SORL1: variants seen among roughly 807,000 people sequenced by gnomAD.
SORL1 encodes sortilin-related receptor.
SORL1 carries 127 observed loss-of-function variants against 273.7 expected under a neutral mutation model. The ratio of observed to expected loss-of-function variants is 0.46; its 90% CI spans 0.40 to 0.54. The LOEUF is 0.54. Ranked by LOEUF, SORL1 falls within the 20% of genes least tolerant of loss-of-function variation. SORL1 has a pLI of 0.00. For synonymous variants in SORL1, 1,031 were observed against 1,067.4 expected (o/e 0.97, Z 0.66); for missense variants, 2,494 against 2,846.1 (o/e 0.88, Z 2.81).
rs1313881863 is a variant in SORL1 at position 121,555,274 on chromosome 11, A to G, written c.2527A>G (p.Ser843Gly). 3 of 1,614,030 alleles carry G rather than the reference A, an allele frequency of 1.9e-6. No individual in the cohort carries two copies. The Admixed American group carries it at 5.0e-5, about 27-fold the overall frequency. The change falls in exon 18 of 48, where the codon AGC becomes GGC. Residue 843 changes from serine (S) to glycine (G), a missense_variant. Ser to Gly is a moderately conservative substitution (Grantham distance 56). Around this residue, in one of 3 missense-constraint regions of SORL1, gnomAD observed 1,609 missense variants for 1,816.4 expected, o/e 0.89. Coordinates refer to ENST00000260197, the MANE Select transcript of SORL1 (RefSeq NM_003105.6). ...TVEALAFEPL[S>G]QLLYWVDAGF... Reference sequence around the variant, plus strand: ...AGAAGCTTTGGCTTTTGAACCCCTCAGCCAGCTGCTTTACTGGGTAGATGC... The same window carrying G: ...AGAAGCTTTGGCTTTTGAACCCCTCGGCCAGCTGCTTTACTGGGTAGATGC...
rs1326498956 is a variant in SORL1, at chr11:121,625,272, G to A, written c.6359G>A (p.Gly2120Glu). The A allele has an allele frequency of 2.3e-5, 37 of 1,608,278 alleles. No homozygotes were observed. The highest frequency in any genetic ancestry group is 3.1e-5 in the Non-Finnish European group (37 of 1,177,266). The change falls in exon 46 of 48, where the codon GGG (glycine) becomes GAG (glutamate). Residue 2120 changes from glycine to glutamate, a missense_variant. This residue lies in a region of SORL1 where 1,609 missense variants were observed against 1,816.4 expected (regional missense o/e 0.89). Coordinates refer to ENST00000260197, the MANE Select transcript of SORL1 (RefSeq NM_003105.6). The part of the protein sequence containing the change: ...EPAILLYDEL[G>E]SGADASATQA... ...GCCATCCTGCTGTACGATGAGCTGG[G>A]GTCTGGTGAGTTGCGATTGCTGCCC... is the stretch of plus-strand genomic sequence containing the variant.
chr11:121,533,460 C>T (rs900605775), intron 12 of SORL1, among the ~76,000 whole-genome samples: 1 of 152,192 alleles, frequency 6.6e-6, no homozygotes, highest in African/African-American at 2.4e-5. Context: ...GTAACCTCTA[C>T]ACCCTTATGT....
chr11:121,509,555 C>T (rs1463386249), intron 6 of SORL1, among the ~76,000 whole-genome samples: 1 of 152,190 alleles, frequency 6.6e-6, no homozygotes, highest in East Asian at 1.9e-4. Flanking sequence ...CGGCTCACCG[C>T]AACCTCCGCC....
intron 31 of SORL1, among the ~76,000 whole-genome samples, chr11:121,592,459 A>G (rs567739658): frequency 6.6e-6 from 1 of 152,214 alleles, no homozygotes; most frequent in Non-Finnish European, 1.5e-5. Context: ...CAAGTAGGGT[A>G]TTATTCTCCT....
At chr11:121,535,706 T>C (rs938939574) in intron 12 of SORL1, among the ~76,000 whole-genome samples, 1 of 151,858 alleles carries the variant, frequency 6.6e-6, no homozygotes, top group African/African-American at 2.4e-5. Flanking sequence ...TTTTAAGTTA[T>C]GCATGTCTTT....
chr11:121,547,398 A>G (rs1374329582), intron 14 of SORL1, among the ~76,000 whole-genome samples: 1 of 111,148 alleles, frequency 9.0e-6, no homozygotes. Context: ...CTCTTGCCCT[A>G]CATTTCCCCA....
At chr11:121,464,671 T>C (rs1861055746) in intron 1 of SORL1, among the ~76,000 whole-genome samples, 2 of 152,192 alleles carry the variant, frequency 1.3e-5, no homozygotes, top group South Asian at 2.1e-4. Context: ...ACTTGTTCGA[T>C]GAAGATGCCG....
intron 40 of SORL1, among the ~76,000 whole-genome samples, chr11:121,614,053 G>C (rs1010264691): frequency 6.6e-6 from 1 of 152,190 alleles, no homozygotes; most frequent in Non-Finnish European, 1.5e-5. Context: ...ATAGAGTCAG[G>C]CCTTAAACCC....
intron 14 of SORL1, chr11:121,546,992 G>C (rs1012863304): frequency 1.3e-5 from 2 of 152,218 alleles, no homozygotes; most frequent in African/African-American, 4.8e-5. Context: ...TTAGAACAGA[G>C]AAGACAGTCA....
intron 2 of SORL1, among the ~76,000 whole-genome samples, chr11:121,474,898 T>A (rs1463165654): frequency 6.6e-6 from 1 of 152,246 alleles, no homozygotes; most frequent in African/African-American, 2.4e-5. Context: ...GATAGATAAC[T>A]GTGCACCAGC....
In SORL1 at chr11:121,630,866, A is replaced by G. The variant is rs536121407; in HGVS notation, c.*1303A>G. 1.3e-5 allele frequency: 2 copies of G among 152,342 alleles called. No individual in the cohort carries two copies. Among genetic ancestry groups the G allele is most frequent in the South Asian group, 2.1e-4 (1 of 4,828 alleles). The allele number at this position is 152,342 out of a possible 1,614,324, so 9.4% of individuals were successfully genotyped here. ...TTCAAACCATGGCCACTTGATACTTATGTAGAATCCATCGTGGGCTGATGC... is the reference window on the plus strand; with the variant it reads ...TTCAAACCATGGCCACTTGATACTTGTGTAGAATCCATCGTGGGCTGATGC... On this transcript the variant is annotated 3_prime_UTR_variant, in exon 48 of 48. Coordinates refer to ENST00000260197, the MANE Select transcript of SORL1 (RefSeq NM_003105.6).
At chr11:121,617,881 G>C (rs879366903) in intron 41 of SORL1, among the ~76,000 whole-genome samples, 17 of 152,182 alleles carry the variant, frequency 1.1e-4, no homozygotes, top group Non-Finnish European at 2.4e-4. Flanking sequence ...GCTTCGAACA[G>C]TTTATTTCCT....
intron 21 of SORL1, among the ~76,000 whole-genome samples, chr11:121,562,393 C>T (rs963977311): frequency 1.3e-5 from 2 of 152,200 alleles, no homozygotes; most frequent in Admixed American, 6.5e-5. Context: ...CAGCTACCTG[C>T]GGTCAACCAC....
intron 1 of SORL1, among the ~76,000 whole-genome samples, chr11:121,457,301 G>A (rs1591541730): frequency 2.6e-5 from 4 of 152,282 alleles, no homozygotes; most frequent in Admixed American, 2.0e-4. Flanking sequence ...GGTAATGCAC[G>A]TTTACAAAAC....
At chr11:121,515,639 T>A (rs2134848492) in intron 8 of SORL1, among the ~76,000 whole-genome samples, 1 of 152,254 alleles carries the variant, frequency 6.6e-6, no homozygotes, top group East Asian at 1.9e-4. Flanking sequence ...TTTTTTTCTT[T>A]TTTGTTGTTT....
At position 121,570,241 on chromosome 11, in the gene SORL1, G is replaced by C; in HGVS notation, c.3308G>C (p.Cys1103Ser). 6.2e-7 allele frequency: 1 copy of C among 1,613,784 alleles called. No homozygotes were observed. Among genetic ancestry groups the C allele is most frequent in the Non-Finnish European group, 8.5e-7 (1 of 1,179,682 alleles). Residue 1103 changes from cysteine to serine, a missense_variant, in exon 23 of 48, where the codon TGT becomes TCT. This residue lies in a region of SORL1 where 1,609 missense variants were observed against 1,816.4 expected (regional missense o/e 0.89). Coordinates refer to ENST00000260197, the MANE Select transcript of SORL1 (RefSeq NM_003105.6). The stretch of plus-strand genomic sequence containing the variant: ...TGGTGGTGTGACTTTGACAACGACT[G>C]TGGAGACATGAGCGATGAGAGAAAC... ...SIWWCDFDND[C>S]GDMSDERNCP...
At chr11:121,515,524 G>C (rs1861937493) in intron 8 of SORL1, among the ~76,000 whole-genome samples, 1 of 152,206 alleles carries the variant, frequency 6.6e-6, no homozygotes, top group Non-Finnish European at 1.5e-5. Flanking sequence ...GAGGAGGCCA[G>C]GGTGGCTGGA....
chr11:121,589,274 T>C lies in SORL1; in HGVS notation c.3962T>C (p.Phe1321Ser). 1 of 1,613,358 alleles carries C rather than the reference T, an allele frequency of 6.2e-7. No homozygotes were observed. Among genetic ancestry groups the C allele is most frequent in the Non-Finnish European group, 8.5e-7 (1 of 1,179,326 alleles). Reference sequence around the variant, plus strand: ...CCCTCTGTAGCCCAAGATCCTGAGTTCCACAAGGTATGTGATGAGTTCGGT... The same window carrying C: ...CCCTCTGTAGCCCAAGATCCTGAGTCCCACAAGGTATGTGATGAGTTCGGT... ...AFAGCSQDPE[F>S]HKVCDEFGFQ... Residue 1321 changes from phenylalanine to serine, a missense_variant, in exon 29 of 48, where the codon TTC becomes TCC. By Grantham distance (155) the Phe-to-Ser change is radical (BLOSUM62 -2). Coordinates refer to ENST00000260197, the MANE Select transcript of SORL1 (RefSeq NM_003105.6).
At position 121,595,889 on chromosome 11, in the gene SORL1, G is replaced by T; in HGVS notation, c.4519+117G>T. On this transcript the variant is annotated intron_variant, in intron 32 of 47. Coordinates refer to ENST00000260197, the MANE Select transcript of SORL1 (RefSeq NM_003105.6). The surrounding 1 kb of genome is among the most constrained non-coding windows in gnomAD (Gnocchi z 5.1). Reference sequence around the variant, plus strand: ...CCTGTGTGTGAGTCTGTGTACTTGCGTAACCATGCTCTTACTGCATTCTCC... The same window carrying T: ...CCTGTGTGTGAGTCTGTGTACTTGCTTAACCATGCTCTTACTGCATTCTCC... The T allele has an allele frequency of 1.8e-6, 2 of 1,122,582 alleles. No homozygotes were observed. Among genetic ancestry groups the T allele is most frequent in the Non-Finnish European group, 2.5e-6 (2 of 802,406 alleles). 69.5% of individuals were successfully genotyped at this position (1,122,582 alleles called of 1,614,324 possible). A position where few individuals can be genotyped will look rare whatever the true frequency, so the allele number is the denominator to read the frequency against.
Sources: gnomAD v4.1 joint callset for allele counts (sites outside exome capture counted in the v4.1 genomes callset) on GRCh38, gnomAD v4.1.1 for gene constraint, gnomAD v4.1.1 regional missense constraint, Gnocchi (gnomAD v3.1) non-coding constraint, MANE v1.5 for transcripts, NCBI Gene and HGNC (gene_info 2026-07-23, HGNC 2026-07-21) for gene names.